Variants in NSUN3 observed in about 807,000 individuals in gnomAD.
The protein encoded by NSUN3 is NOP2/Sun RNA methyltransferase 3.
NSUN3 carries 24 observed loss-of-function variants against 36.8 expected under a neutral mutation model. The observed-to-expected ratio is 0.65, with a 90% confidence interval of 0.47 to 0.92. The LOEUF is 0.92. NSUN3 is among the 40% of genes least tolerant of loss of function. The pLI is 0.00. For missense variants in NSUN3, 381 were observed against 392.8 expected, an observed-to-expected ratio of 0.97 and a Z score of 0.25; for synonymous variants, 146 against 145.2, an observed-to-expected ratio of 1.01 and a Z score of -0.04.
chr3:94,097,233 C>T (rs1266504312), intron 5 of NSUN3, among the ~76,000 whole-genome samples: 1 of 152,174 alleles, frequency 6.6e-6, no homozygotes, highest in East Asian at 1.9e-4. Context: ...GCAAAAGGCC[C>T]TGTTGGCCAC....
chr3:94,086,673 T>C (rs1323915017), intron 3 of NSUN3, among the ~76,000 whole-genome samples: 1 of 152,256 alleles, frequency 6.6e-6, no homozygotes, highest in Non-Finnish European at 1.5e-5. Flanking sequence ...CCCAATGTTT[T>C]AGAGTTCTGG....
At chr3:94,085,337 G>C (rs574392868) in intron 3 of NSUN3, 1 of 152,180 alleles carries the variant, frequency 6.6e-6, no homozygotes, top group South Asian at 2.1e-4. Flanking sequence ...TTAAAAAACT[G>C]ATACAGGCTT....
In NSUN3 at chr3:94,091,707, G is replaced by A. The variant is rs116654199; in HGVS notation, c.467-2433G>A. ...ACCACTAGAAAAGTCAAAATAGAAT[G>A]TAAAACATTTAAACTAGAAAAAGAG... On this transcript the variant is annotated intron_variant, in intron 3 of 5. Coordinates refer to ENST00000314622, the MANE Select transcript of NSUN3 (RefSeq NM_022072.5). Among the ~76,000 whole-genome samples, 1,430 of 152,292 alleles carry A rather than the reference G, an allele frequency of 9.4e-3. 20 individuals carry two copies. The highest frequency in any genetic ancestry group is 0.032 in the African/African-American group (1,326 of 41,546).
intron 3 of NSUN3, among the ~76,000 whole-genome samples, chr3:94,093,202 A>C (rs2107254240): frequency 6.6e-6 from 1 of 151,330 alleles, no homozygotes; most frequent in African/African-American, 2.4e-5. Context: ...AGTCACTAAA[A>C]GTTTTTTTTT....
Position 94,128,798 on chromosome 3 carries a change from A to T in NSUN3, c.*2308A>T, listed in dbSNP as rs1029307078. Among the ~76,000 whole-genome samples, 1 of 152,130 alleles carries T rather than the reference A, an allele frequency of 6.6e-6. No homozygotes were observed. The highest frequency in any genetic ancestry group is 2.4e-5 in the African/African-American group (1 of 41,426). ...TATAAGGAACTTAAATCAGCAAGCA[A>T]AAAACAAATAACCCTATTAAAAACT... On this transcript the variant is annotated 3_prime_UTR_variant, in exon 6 of 6. Coordinates refer to ENST00000314622, the MANE Select transcript of NSUN3 (RefSeq NM_022072.5).
intron 5 of NSUN3, among the ~76,000 whole-genome samples, chr3:94,124,791 G>T (rs2077478686): frequency 6.6e-6 from 1 of 152,140 alleles, no homozygotes; most frequent in Non-Finnish European, 1.5e-5. Context: ...CCCCCAGCTA[G>T]AATGTAAGCT....
At chr3:94,109,103 A>C (rs1560039606) in intron 5 of NSUN3, among the ~76,000 whole-genome samples, 2 of 152,238 alleles carry the variant, frequency 1.3e-5, no homozygotes, top group Non-Finnish European at 2.9e-5. Context: ...GAATAGGGAG[A>C]AATTCCATGG....
Position 94,126,567 on chromosome 3 carries a change from T to A in NSUN3, c.*77T>A, listed in dbSNP as rs1459460374. 10 of 1,311,358 alleles carry A rather than the reference T, an allele frequency of 7.6e-6. No individual in the cohort carries two copies. Among genetic ancestry groups the A allele is most frequent in the Non-Finnish European group, 1.0e-5 (10 of 955,378 alleles). The allele number at this position is 1,311,358 out of a possible 1,614,324, so 81.2% of individuals were successfully genotyped here. A position where few individuals can be genotyped will look rare whatever the true frequency, so the allele number is the denominator to read the frequency against. On this transcript the variant is annotated 3_prime_UTR_variant, in exon 6 of 6. Transcript: ENST00000314622. Reference sequence around the variant, plus strand: ...CAGTACATGTTAATATTTAAATAATTATGCAGTAACTTTCTCTGGGTCTGT... The same window carrying A: ...CAGTACATGTTAATATTTAAATAATAATGCAGTAACTTTCTCTGGGTCTGT...
chr3:94,079,932 G>A (rs574908270), intron 2 of NSUN3, among the ~76,000 whole-genome samples: 114 of 152,184 alleles, frequency 7.5e-4, no homozygotes, highest in African/African-American at 2.7e-3. Context: ...ACTTCTGTCA[G>A]TTTGTCAAAC....
At chr3:94,064,191 C>T (rs2077193810) in intron 1 of NSUN3, 1 of 473,870 alleles carries the variant, frequency 2.1e-6, no homozygotes, top group African/African-American at 2.0e-5. Flanking sequence ...TTGACAGTTT[C>T]TTCAGCCCCA....
chr3:94,105,679 A>G (rs2077385905), intron 5 of NSUN3, among the ~76,000 whole-genome samples: 1 of 152,058 alleles, frequency 6.6e-6, no homozygotes, highest in South Asian at 2.1e-4. Flanking sequence ...AGCTAGAGGC[A>G]GGGTATCTTT....
intron 5 of NSUN3, among the ~76,000 whole-genome samples, chr3:94,101,134 G>C (rs1306875739): frequency 6.6e-6 from 1 of 151,958 alleles, no homozygotes; most frequent in African/African-American, 2.4e-5. Context: ...TGATACTACA[G>C]ATGCATGCTA....
chr3:94,094,276 G>A lies in NSUN3; in HGVS notation c.603G>A (p.Gln201=), dbSNP rs1172310323. Reference sequence around the variant, plus strand: ...ATGGCAGAAAAATGGGAGATGCCCAGCCTGAAATGTTTGACAAGGTACTTT... The same window carrying A: ...ATGGCAGAAAAATGGGAGATGCCCAACCTGAAATGTTTGACAAGGTACTTT... The part of the protein sequence containing the change: ...ELDGRKMGDA[Q]PEMFDKVLVD... The change falls in exon 4 of 6, where the codon CAG becomes CAA. Residue 201 remains glutamine (Q), a synonymous_variant. Transcript: ENST00000314622. 4 of 1,612,428 alleles carry A rather than the reference G, an allele frequency of 2.5e-6. No homozygotes were observed. In the South Asian group the frequency reaches 4.4e-5, roughly 18 times the overall value.
intron 5 of NSUN3, among the ~76,000 whole-genome samples, chr3:94,116,365 A>G (rs1317695191): frequency 6.6e-6 from 1 of 152,178 alleles, no homozygotes; most frequent in Non-Finnish European, 1.5e-5. Flanking sequence ...AAATACGTTT[A>G]TTATTGATTT....
rs145111279 is a variant in NSUN3, at chr3:94,129,250, C to T, written c.*2760C>T. 3.9e-5 allele frequency among the ~76,000 whole-genome samples: 6 copies of T among 152,276 alleles called. No homozygotes were observed. The East Asian group carries it at 9.6e-4, about 24-fold the overall frequency. ...TACAATAGTAAAGATACGGAATCAA[C>T]CTAACCGCCCATCAGCAGTTGATTG... On this transcript the variant is annotated 3_prime_UTR_variant, in exon 6 of 6. Transcript: ENST00000314622.
rs1379825854 is a variant in NSUN3, at chr3:94,105,762, C to G, written c.743+10608C>G. On this transcript the variant is annotated intron_variant, in intron 5 of 5. Transcript: ENST00000314622. ...ACACACACACATACACACACACACA[C>G]ACACGGTTTGAATAAACCCTTTTAA... Among the ~76,000 whole-genome samples the G allele has an allele frequency of 2.0e-5, 3 of 152,128 alleles. No homozygotes were observed. The East Asian group carries it at 5.8e-4, about 29-fold the overall frequency.
At chr3:94,122,183 A>ACCTCCAT (rs999722264) in intron 5 of NSUN3, among the ~76,000 whole-genome samples, 1 of 150,492 alleles carries the variant, frequency 6.6e-6, no homozygotes, top group Non-Finnish European at 1.5e-5. Flanking sequence ...AATTTAAGTG[A>ACCTCCAT]CCTCCATGGC....
At position 94,130,492 on chromosome 3, in the gene NSUN3, C is replaced by G. The variant is rs1431809342; in HGVS notation, c.*4002C>G. On this transcript the variant is annotated 3_prime_UTR_variant, in exon 6 of 6. Coordinates refer to ENST00000314622, the MANE Select transcript of NSUN3 (RefSeq NM_022072.5). ...GACATTTTTGGAAATTGTATGCTCT[C>G]TAGCAACTTTGCGTGAATTTTTATA... 2.0e-5 allele frequency among the ~76,000 whole-genome samples: 3 copies of G among 152,160 alleles called. No homozygotes were observed. The highest frequency in any genetic ancestry group is 4.4e-5 in the Non-Finnish European group (3 of 68,012).
chr3:94,091,864 T>C (rs927010096), intron 3 of NSUN3, among the ~76,000 whole-genome samples: 1 of 152,194 alleles, frequency 6.6e-6, no homozygotes, highest in Non-Finnish European at 1.5e-5. Flanking sequence ...ACTACAGATA[T>C]GTTTGGCTTC....
Sources: allele counts gnomAD v4.1 joint callset (sites outside exome capture counted in the v4.1 genomes callset), GRCh38; gene constraint gnomAD v4.1.1; transcripts MANE v1.5; gene names NCBI Gene and HGNC (gene_info 2026-07-23, HGNC 2026-07-21).